CDKAL1: variants seen among roughly 807,000 people sequenced by gnomAD.
CDKAL1 encodes the protein CDKAL1 threonylcarbamoyladenosine tRNA methylthiotransferase, also known as threonylcarbamoyladenosine tRNA methylthiotransferase.
In CDKAL1, 32 loss-of-function variants were observed where a neutral mutation model predicts 68.2. That is an observed-to-expected ratio of 0.47 (90% CI 0.35 to 0.63). The LOEUF is 0.63. Among genes scored for constraint, CDKAL1 ranks in the 30% least tolerant of loss-of-function variants. CDKAL1 has a pLI of 0.00. For missense variants in CDKAL1, 606 were observed against 696.7 expected, an observed-to-expected ratio of 0.87 and a Z score of 1.47; for synonymous variants, 234 against 244.3, an observed-to-expected ratio of 0.96 and a Z score of 0.39.
At chr6:21,214,721 C>T (rs1449434637) in intron 15 of CDKAL1, among the ~76,000 whole-genome samples, 2 of 152,108 alleles carry the variant, frequency 1.3e-5, no homozygotes, top group African/African-American at 4.8e-5. Context: ...CACATTTTAT[C>T]ACCAGACATA....
chr6:20,988,743 G>A (rs982638515), intron 10 of CDKAL1, among the ~76,000 whole-genome samples: 1 of 151,970 alleles, frequency 6.6e-6, no homozygotes, highest in Non-Finnish European at 1.5e-5. Context: ...TCCGCCTCCC[G>A]GGTTCAAGCA....
chr6:20,835,480 G>GC (rs1294009747), intron 8 of CDKAL1, among the ~76,000 whole-genome samples: 27 of 97,326 alleles, frequency 2.8e-4, no homozygotes, highest in Admixed American at 5.6e-4. Context: ...GCTTTGCTTT[G>GC]TTTGTCTTGT....
intron 13 of CDKAL1, among the ~76,000 whole-genome samples, chr6:21,155,706 T>C (rs1017626411): frequency 3.9e-5 from 6 of 152,208 alleles, no homozygotes; most frequent in Non-Finnish European, 8.8e-5. Context: ...TTATTCATTA[T>C]GTTCAAGAGA....
At position 20,846,167 on chromosome 6, in the gene CDKAL1, A is replaced by C. The variant is rs1418020820; in HGVS notation, c.731A>C (p.Gln244Pro). The C allele has an allele frequency of 6.3e-7, 1 of 1,597,134 alleles. No homozygotes were observed. The highest frequency in any genetic ancestry group is 1.7e-5 in the Admixed American group (1 of 59,352). ...PIDELVDRAK[Q>P]SFQEGVCEIW... ...GATGAACTAGTAGATAGAGCCAAACAATCTTTTCAAGGTAAGAGTTTCTAG... is the reference window on the plus strand; with the variant it reads ...GATGAACTAGTAGATAGAGCCAAACCATCTTTTCAAGGTAAGAGTTTCTAG... Residue 244 changes from glutamine to proline, a missense_variant, in exon 9 of 16, where the codon CAA becomes CCA. Physicochemically the swap from Gln to Pro is moderately conservative, Grantham distance 76. Coordinates refer to ENST00000274695, the MANE Select transcript of CDKAL1 (RefSeq NM_017774.3).
chr6:21,206,045 A>G lies in CDKAL1; in HGVS notation c.1548+4771A>G, dbSNP rs556991234. 1.5e-3 allele frequency among the ~76,000 whole-genome samples: 229 copies of G among 149,606 alleles called. 1 individual carries two copies. Among genetic ancestry groups the G allele is most frequent in the Non-Finnish European group, 2.8e-3 (186 of 67,518 alleles). On this transcript the variant is annotated intron_variant, in intron 15 of 15. Coordinates refer to ENST00000274695, the MANE Select transcript of CDKAL1 (RefSeq NM_017774.3). ...ATTTTAGTAGAGACGGGGTTTCACCATGGTCTCTATCTCCTGACCTTGTGA... is the reference window on the plus strand; with the variant it reads ...ATTTTAGTAGAGACGGGGTTTCACCGTGGTCTCTATCTCCTGACCTTGTGA...
At chr6:20,675,568 A>G (rs375764246) in intron 5 of CDKAL1, among the ~76,000 whole-genome samples, 19 of 152,194 alleles carry the variant, frequency 1.2e-4, no homozygotes, top group African/African-American at 4.3e-4. Flanking sequence ...TCACCTGGTT[A>G]TATCATAGCA....
At chr6:20,546,117 T>A (rs952559377) in intron 2 of CDKAL1, among the ~76,000 whole-genome samples, 4 of 152,274 alleles carry the variant, frequency 2.6e-5, no homozygotes, top group African/African-American at 9.6e-5. Flanking sequence ...AACCTTGGAA[T>A]GTCCCATTGT....
intron 13 of CDKAL1, among the ~76,000 whole-genome samples, chr6:21,189,481 A>C (rs781619558): frequency 1.6e-4 from 24 of 152,174 alleles, no homozygotes; most frequent in Non-Finnish European, 2.6e-4. Context: ...ACAGAGGACA[A>C]TGTTTTCAAA....
chr6:21,021,375 A>G (rs1561968207), intron 11 of CDKAL1, among the ~76,000 whole-genome samples: 1 of 152,186 alleles, frequency 6.6e-6, no homozygotes, highest in Non-Finnish European at 1.5e-5. Context: ...CAATATTAAT[A>G]ACAAAACAAC....
intron 11 of CDKAL1, among the ~76,000 whole-genome samples, chr6:21,010,950 C>T (rs1013078774): frequency 1.3e-5 from 2 of 151,208 alleles, no homozygotes; most frequent in African/African-American, 2.4e-5. Flanking sequence ...GGCATGGTGG[C>T]GGGCACCTGT....
Position 20,609,401 on chromosome 6 carries a change from C to CTTT in CDKAL1, c.287-39882_287-39880dup, listed in dbSNP as rs1168736535. On this transcript the variant is annotated intron_variant, in intron 4 of 15. Transcript: ENST00000274695. ...TCTTCTTCTTCTTCTTCTTCTTCTT[C>CTTT]TTTTTTTTTTTTGAGATGGAATCTC... Among the ~76,000 whole-genome samples the CTTT allele has an allele frequency of 1.8e-3, 92 of 49,754 alleles. 1 individual carries two copies. Among genetic ancestry groups the CTTT allele is most frequent in the Admixed American group, 6.3e-3 (32 of 5,084 alleles). 32.6% of individuals were successfully genotyped at this position (49,754 alleles called of 152,430 possible).
chr6:20,891,720 A>G (rs1478527841), intron 9 of CDKAL1, among the ~76,000 whole-genome samples: 1 of 151,806 alleles, frequency 6.6e-6, no homozygotes, highest in Non-Finnish European at 1.5e-5. Flanking sequence ...TTTTTCATAG[A>G]GACAGGGTTT....
intron 12 of CDKAL1, among the ~76,000 whole-genome samples, chr6:21,070,389 T>C (rs1183367135): frequency 9.5e-6 from 1 of 105,810 alleles, no homozygotes; most frequent in East Asian, 3.2e-4. Flanking sequence ...TTTTTTCTTT[T>C]TGTTTCTCTC....
At chr6:20,609,670 T>C (rs900168471) in intron 4 of CDKAL1, among the ~76,000 whole-genome samples, 1 of 151,986 alleles carries the variant, frequency 6.6e-6, no homozygotes, top group African/African-American at 2.4e-5. Flanking sequence ...TTTATTATTA[T>C]TATTCATCTT....
intron 5 of CDKAL1, among the ~76,000 whole-genome samples, chr6:20,663,618 G>C (rs773882872): frequency 6.6e-6 from 1 of 152,014 alleles, no homozygotes; most frequent in Non-Finnish European, 1.5e-5. Flanking sequence ...TAAAAAATGG[G>C]ACTTACATAT....
At chr6:20,757,074 A>G (rs1203657724) in intron 6 of CDKAL1, among the ~76,000 whole-genome samples, 3 of 151,694 alleles carry the variant, frequency 2.0e-5, no homozygotes, top group Non-Finnish European at 4.4e-5. Context: ...GCTGGGACTA[A>G]GGCATGCACC....
intron 4 of CDKAL1, among the ~76,000 whole-genome samples, chr6:20,617,284 TA>T (rs79501071): frequency 0.28 from 42,707 of 152,034 alleles, 6,544 homozygotes; most frequent in East Asian, 0.53. Flanking sequence ...ATGATTTTCC[TA>T]GGGGGCCACT....
At chr6:20,818,057 G>A (rs1233009211) in intron 8 of CDKAL1, among the ~76,000 whole-genome samples, 2 of 152,078 alleles carry the variant, frequency 1.3e-5, no homozygotes. Flanking sequence ...TCATAGTGTG[G>A]TGTCAGCTGT....
At chr6:20,857,331 G>C (rs145278081) in intron 9 of CDKAL1, among the ~76,000 whole-genome samples, 1,712 of 152,282 alleles carry the variant, frequency 0.011, 29 homozygotes, top group African/African-American at 0.038. Context: ...GGGTAAGAAT[G>C]AGAAAGAATT....
Sources: allele counts gnomAD v4.1 joint callset (sites outside exome capture counted in the v4.1 genomes callset), GRCh38; gene constraint gnomAD v4.1.1; transcripts MANE v1.5; gene names NCBI Gene and HGNC (gene_info 2026-07-23, HGNC 2026-07-21).